The following TTI2 variants were observed in gnomAD, a reference collection of about 807,000 sequenced individuals.
The protein encoded by TTI2 is TELO2 interacting protein 2, also known as TELO2-interacting protein 2.
In TTI2, 26 loss-of-function variants were observed where a neutral mutation model predicts 44.9. The observed-to-expected ratio is 0.58, with a 90% CI of 0.42 to 0.80. TTI2 has a LOEUF of 0.80. Ranked by LOEUF, TTI2 falls within the 30% of genes least tolerant of loss-of-function variation. The probability of loss-of-function intolerance (pLI) is 0.00; values close to 1 mark genes in which losing one functional copy is unlikely to be tolerated. For synonymous variants in TTI2, 254 were observed against 250.9 expected (o/e 1.01, Z -0.12); for missense variants, 582 against 611.6 (o/e 0.95, Z 0.51).
At chr8:33,509,261 G>C (rs529512840) in intron 3 of TTI2, among the ~76,000 whole-genome samples, 1 of 151,268 alleles carries the variant, frequency 6.6e-6, no homozygotes, top group South Asian at 2.1e-4. Context: ...GTTGAAGACC[G>C]GCCTGGCCAA....
At position 33,503,856 on chromosome 8, in the gene TTI2, GT is replaced by G; in HGVS notation, c.1006del (p.Thr336ProfsTer10). ...CCGCAGGACCTCATCACAATGGGTG[GT>G]GGGTCGAGCTCCATCTCCTTTCCAG... ...LHWKGDGARP[T>X]THCDEVLRLI... On this transcript the variant is annotated frameshift_variant, in exon 5 of 8. Transcript: ENST00000431156. LOFTEE classifies it high-confidence loss of function. 6.2e-7 allele frequency: 1 copy of G among 1,614,176 alleles called. No individual in the cohort carries two copies. The highest frequency in any genetic ancestry group is 1.1e-5 in the South Asian group (1 of 91,086).
rs1808988848 is a variant in TTI2, at chr8:33,499,582, C to T, written c.1423-305G>A. On this transcript the variant is annotated intron_variant, in intron 7 of 7. Coordinates refer to ENST00000431156, the MANE Select transcript of TTI2 (RefSeq NM_001102401.4). The stretch of plus-strand genomic sequence containing the variant: ...GTTGGATCTAGGGCTTGAAAACTGC[C>T]CAAGATTAAAGAGCTAAGATGAAAT... The T allele has an allele frequency of 1.1e-5, 3 of 279,572 alleles. No homozygotes were observed. In the South Asian group the frequency reaches 1.4e-4, roughly 13 times the overall value. 17.3% of individuals were successfully genotyped at this position (279,572 alleles called of 1,614,324 possible).
At chr8:33,507,860 A>T (rs552464364) in intron 3 of TTI2, among the ~76,000 whole-genome samples, 14 of 151,270 alleles carry the variant, frequency 9.3e-5, no homozygotes, top group African/African-American at 2.9e-4. Context: ...CTGGTGGTGC[A>T]TGCCTGTAGT....
intron 3 of TTI2, among the ~76,000 whole-genome samples, chr8:33,508,767 T>A (rs1395531686): frequency 6.6e-6 from 1 of 152,006 alleles, no homozygotes; most frequent in Non-Finnish European, 1.5e-5. Context: ...TTTTAAAAAA[T>A]TTTTCCTTGA....
At position 33,503,986 on chromosome 8, in the gene TTI2, C is replaced by T. The variant is rs777834296; in HGVS notation, c.928-51G>A. 2.5e-6 allele frequency: 4 copies of T among 1,586,136 alleles called. No individual in the cohort carries two copies. The South Asian group carries it at 3.3e-5, about 13-fold the overall frequency. ...TGCATAGTTCATCCATTTGCATTTACAATACTCACTGACTTCTCTAGAACT... is the reference window on the plus strand; with the variant it reads ...TGCATAGTTCATCCATTTGCATTTATAATACTCACTGACTTCTCTAGAACT... On this transcript the variant is annotated intron_variant, in intron 4 of 7. Transcript: ENST00000431156.
chr8:33,509,978 G>GAAAAAAAAAAA, intron 2 of TTI2, 46 bp from the exon 3 acceptor site: 1 of 265,302 alleles, frequency 3.8e-6, no homozygotes, highest in East Asian at 6.6e-5. Context: ...GTGATAAGTA[G>GAAAAAAAAAAA]CAAAAAAAAA....
Position 33,509,745 on chromosome 8 carries a change from C to T in TTI2, c.834+1G>A. On this transcript the variant is annotated splice_donor_variant, in intron 3 of 7. Coordinates refer to ENST00000431156, the MANE Select transcript of TTI2 (RefSeq NM_001102401.4). LOFTEE classifies it high-confidence loss of function. ...CAGATGACAAGCCAGAGGTTGCTTACCACATTAAGCACAATGTGATGGAGA... is the reference window on the plus strand; with the variant it reads ...CAGATGACAAGCCAGAGGTTGCTTATCACATTAAGCACAATGTGATGGAGA... 2 of 1,613,646 alleles carry T rather than the reference C, an allele frequency of 1.2e-6. No homozygotes were observed. The highest frequency in any genetic ancestry group is 1.7e-6 in the Non-Finnish European group (2 of 1,179,638).
rs1313700722 is a variant in TTI2, at chr8:33,509,855, C to T, written c.725G>A (p.Ser242Asn). Reference protein sequence around the residue: ...TLQQVTRPWLSQHLERVLPAS... With the variant: ...TLQQVTRPWLNQHLERVLPAS... ...GGGAAGTACCCTTTCCAGATGCTGG[C>T]TCAGCCAGGGCCGAGTGACCTGTTG... Residue 242 changes from serine to asparagine, a missense_variant, in exon 3 of 8, where the codon AGC becomes AAC. By Grantham distance (46) the Ser-to-Asn change is conservative. Transcript: ENST00000431156. 1.9e-6 allele frequency: 3 copies of T among 1,613,908 alleles called. No homozygotes were observed. Among genetic ancestry groups the T allele is most frequent in the Admixed American group, 3.3e-5 (2 of 59,958 alleles).
In TTI2 at chr8:33,512,459, A is replaced by G. The variant is rs1297342192; in HGVS notation, c.155T>C (p.Leu52Pro). ...TTCTATTAGATCACCGAGGTCTTTAAGAACTGCATCTTTTACATTGCCTCG... is the reference window on the plus strand; with the variant it reads ...TTCTATTAGATCACCGAGGTCTTTAGGAACTGCATCTTTTACATTGCCTCG... ...ARRGNVKDAVLKDLGDLIEAT... is the reference protein window; with the variant it reads ...ARRGNVKDAVPKDLGDLIEAT... The change falls in exon 2 of 8, where the codon CTT (leucine) becomes CCT (proline). Residue 52 changes from leucine (L) to proline (P), a missense_variant. By Grantham distance (98) the Leu-to-Pro change is moderately conservative. Coordinates refer to ENST00000431156, the MANE Select transcript of TTI2 (RefSeq NM_001102401.4). 2.5e-6 allele frequency: 4 copies of G among 1,614,126 alleles called. No homozygotes were observed. Among genetic ancestry groups the G allele is most frequent in the Non-Finnish European group, 3.4e-6 (4 of 1,179,966 alleles).
chr8:33,499,050 A>G lies in TTI2; in HGVS notation c.*123T>C, dbSNP rs1808958450. 2.5e-6 allele frequency: 2 copies of G among 813,610 alleles called. No individual in the cohort carries two copies. Among genetic ancestry groups the G allele is most frequent in the Admixed American group, 4.2e-5 (2 of 48,040 alleles). The allele number at this position is 813,610 out of a possible 1,614,324, so 50.4% of individuals were successfully genotyped here. ...TTATGGAGGTAAAAGGAAAGGAAGG[A>G]AGGAAAAAGCAGCTTTCACTTACAA... On this transcript the variant is annotated 3_prime_UTR_variant, in exon 8 of 8. Coordinates refer to ENST00000431156, the MANE Select transcript of TTI2 (RefSeq NM_001102401.4).
chr8:33,509,224 T>C (rs1809422341), intron 3 of TTI2, among the ~76,000 whole-genome samples: 1 of 150,638 alleles, frequency 6.6e-6, no homozygotes, highest in African/African-American at 2.4e-5. Flanking sequence ...AGGCTGAGGC[T>C]GAGGCAGGTG....
In TTI2 at chr8:33,504,354, T is replaced by C. The variant is rs190844092; in HGVS notation, c.928-419A>G. On this transcript the variant is annotated intron_variant, in intron 4 of 7. Coordinates refer to ENST00000431156, the MANE Select transcript of TTI2 (RefSeq NM_001102401.4). Reference sequence around the variant, plus strand: ...CTCTGTCACCTAGGCTGAAGGACAGTGGTGCAATCTTGGCTCACTGCAACC... The same window carrying C: ...CTCTGTCACCTAGGCTGAAGGACAGCGGTGCAATCTTGGCTCACTGCAACC... Among the ~76,000 whole-genome samples the C allele has an allele frequency of 3.6e-3, 458 of 127,972 alleles. 2 individuals carry two copies. Among genetic ancestry groups the C allele is most frequent in the Middle Eastern group, 5.8e-3 (1 of 172 alleles). 84.0% of individuals were successfully genotyped at this position (127,972 alleles called of 152,430 possible). A position where few individuals can be genotyped will look rare whatever the true frequency, so the allele number is the denominator to read the frequency against.
At chr8:33,499,951 C>T (rs1809004431) in intron 7 of TTI2, 1 of 159,884 alleles carries the variant, frequency 6.3e-6, no homozygotes, top group African/African-American at 2.4e-5. Flanking sequence ...ATCTGAAATG[C>T]TCTATTTATG....
intron 2 of TTI2, among the ~76,000 whole-genome samples, chr8:33,510,586 A>G (rs1435427189): frequency 1.3e-5 from 2 of 152,168 alleles, no homozygotes; most frequent in African/African-American, 4.8e-5. Flanking sequence ...CATGTTGCCC[A>G]GGCTGGTCCT....
chr8:33,499,463 T>A, intron 7 of TTI2, 186 bp from the exon 8 acceptor site: 1 of 546,038 alleles, frequency 1.8e-6, no homozygotes. Flanking sequence ...ATAGCTCTCA[T>A]GTATTGAAGG....
At chr8:33,504,290 T>TTTTTTC in intron 4 of TTI2, among the ~76,000 whole-genome samples, 1 of 38,646 alleles carries the variant, frequency 2.6e-5, no homozygotes, top group Non-Finnish European at 4.7e-5. Context: ...TATTTACACA[T>TTTTTTC]TTTTTTTTTT....
rs565471443 is a variant in TTI2, at chr8:33,500,078, C to CT, written c.1422+249dup. 99 of 413,832 alleles carry CT rather than the reference C, an allele frequency of 2.4e-4. 1 individual carries two copies. The East Asian group carries it at 3.0e-3, about 12-fold the overall frequency. The allele number at this position is 413,832 out of a possible 1,614,324, so 25.6% of individuals were successfully genotyped here. A position where few individuals can be genotyped will look rare whatever the true frequency, so the allele number is the denominator to read the frequency against. ...ATCATAATGCTTTTGCCCATACTGTCTCGTCCTTAGCCCCAGTGACATGTG... is the reference window on the plus strand; with the variant it reads ...ATCATAATGCTTTTGCCCATACTGTCTTCGTCCTTAGCCCCAGTGACATGTG... On this transcript the variant is annotated intron_variant, in intron 7 of 7. Coordinates refer to ENST00000431156, the MANE Select transcript of TTI2 (RefSeq NM_001102401.4).
chr8:33,503,927 G>A lies in TTI2; in HGVS notation c.936C>T (p.Leu312=). The change falls in exon 5 of 8, where the codon CTC becomes CTT. Residue 312 remains leucine, a synonymous_variant. Transcript: ENST00000431156. The part of the protein sequence containing the change: ...TPEHHLIQAV[L]LCLLDLFPIL... ...TGGGGAATAAATCCAGCAGACACAG[G>A]AGCACAGCCTAGGAGGAAGGAATGG... 1 of 1,614,026 alleles carries A rather than the reference G, an allele frequency of 6.2e-7. No homozygotes were observed. The highest frequency in any genetic ancestry group is 8.5e-7 in the Non-Finnish European group (1 of 1,180,020).
intron 6 of TTI2, chr8:33,501,362 G>C (rs373396151): frequency 3.9e-5 from 6 of 152,130 alleles, no homozygotes; most frequent in African/African-American, 1.4e-4. Flanking sequence ...CTTATAATCG[G>C]CTCTGTTTTC....
Sources: gnomAD v4.1 joint callset for allele counts (sites outside exome capture counted in the v4.1 genomes callset) on GRCh38, gnomAD v4.1.1 for gene constraint, MANE v1.5 for transcripts, NCBI Gene and HGNC (gene_info 2026-07-23, HGNC 2026-07-21) for gene names.